Variants in KCNK13 observed in about 807,000 individuals in gnomAD.
The protein encoded by KCNK13 is potassium two pore domain channel subfamily K member 13.
In KCNK13, 12 loss-of-function variants were observed where a neutral mutation model predicts 23.4. The observed-to-expected ratio is 0.51, with a 90% CI of 0.33 to 0.83. The LOEUF is 0.83. Among genes scored for constraint, KCNK13 ranks in the 40% least tolerant of loss-of-function variants. The pLI is 0.02. For missense variants in KCNK13, 463 were observed against 556.3 expected, an observed-to-expected ratio of 0.83 and a Z score of 1.69; for synonymous variants, 231 against 229.5, an observed-to-expected ratio of 1.01 and a Z score of -0.06.
Position 90,184,510 on chromosome 14 carries a change from G to A in KCNK13, c.734G>A (p.Ser245Asn). The A allele has an allele frequency of 6.2e-7, 1 of 1,614,264 alleles. No individual in the cohort carries two copies. The highest frequency in any genetic ancestry group is 8.5e-7 in the Non-Finnish European group (1 of 1,180,050). The change falls in exon 2 of 2, where the codon AGC becomes AAC. Residue 245 changes from serine (S) to asparagine (N), a missense_variant. Transcript: ENST00000282146. This position sits in a 1 kb window ranked among gnomAD's most constrained non-coding sequence, Gnocchi z 5.6. Reference sequence around the variant, plus strand: ...ACCATTGGCTTTGGGGACCTGGTCAGCAGCCAGAACGCCCACTATGAGAGC... The same window carrying A: ...ACCATTGGCTTTGGGGACCTGGTCAACAGCCAGAACGCCCACTATGAGAGC... ...FSTIGFGDLV[S>N]SQNAHYESQG...
rs1351304123 is a variant in KCNK13 at position 90,062,926 on chromosome 14, T to C, written c.334+387T>C. ...TCATGGGGAAGAAGGCTTTTACAGA[T>C]AGGGACAGGAAACTAAACATTTACT... On this transcript the variant is annotated intron_variant, in intron 1 of 1. Coordinates refer to ENST00000282146, the MANE Select transcript of KCNK13 (RefSeq NM_022054.4). This position sits in a 1 kb window ranked among gnomAD's most constrained non-coding sequence, Gnocchi z 4.5. 4.0e-5 allele frequency among the ~76,000 whole-genome samples: 6 copies of C among 151,840 alleles called. No individual in the cohort carries two copies. Among genetic ancestry groups the C allele is most frequent in the African/African-American group, 1.5e-4 (6 of 41,314 alleles).
At chr14:90,136,883 G>A (rs986332844) in intron 1 of KCNK13, among the ~76,000 whole-genome samples, 10 of 152,282 alleles carry the variant, frequency 6.6e-5, no homozygotes, top group Middle Eastern at 3.4e-3. Flanking sequence ...CCCCACGAAG[G>A]TCTTTAAAGT....
chr14:90,182,701 G>T (rs1890501648), intron 1 of KCNK13, among the ~76,000 whole-genome samples: 1 of 152,016 alleles, frequency 6.6e-6, no homozygotes, highest in Admixed American at 6.6e-5. Context: ...CACAGCTGCA[G>T]TCCCAGCTAC....
rs1889780003 is a variant in KCNK13 at position 90,125,025 on chromosome 14, T to C, written c.335-59086T>C. Among the ~76,000 whole-genome samples the C allele has an allele frequency of 2.0e-5, 3 of 152,122 alleles. No homozygotes were observed. The South Asian group carries it at 6.2e-4, about 31-fold the overall frequency. ...GAGACCCAAGCTCCACGCTTTTTGA[T>C]GGAAGTTCCAGCTAAAAGGAGAATG... On this transcript the variant is annotated intron_variant, in intron 1 of 1. Transcript: ENST00000282146.
chr14:90,129,101 T>A (rs987653312), intron 1 of KCNK13, among the ~76,000 whole-genome samples: 5 of 152,216 alleles, frequency 3.3e-5, no homozygotes, highest in African/African-American at 1.2e-4. Flanking sequence ...AGAAGCAGCA[T>A]GCCACATGTG....
At chr14:90,114,131 T>C (rs1247955686) in intron 1 of KCNK13, among the ~76,000 whole-genome samples, 1 of 152,208 alleles carries the variant, frequency 6.6e-6, no homozygotes, top group Non-Finnish European at 1.5e-5. Flanking sequence ...CTTGGCTCAC[T>C]TCCCAGTGGA....
intron 1 of KCNK13, among the ~76,000 whole-genome samples, chr14:90,064,544 G>T (rs1371732506): frequency 6.6e-6 from 1 of 152,062 alleles, no homozygotes; most frequent in Non-Finnish European, 1.5e-5. Flanking sequence ...CTGTATCTTG[G>T]GCAAGCCTCT....
chr14:90,156,642 A>G (rs1480354904), intron 1 of KCNK13, among the ~76,000 whole-genome samples: 2 of 152,172 alleles, frequency 1.3e-5, no homozygotes, highest in Admixed American at 1.3e-4. Flanking sequence ...GAGGAGCAGC[A>G]GGCACATTAT....
rs879803762 is a variant in KCNK13 at position 90,062,784 on chromosome 14, C to T, written c.334+245C>T. ...ATGCAGTCTCAGTCCCCTCTGCAGA[C>T]CTGCCGAGTCAGAATCTGCATGTTA... On this transcript the variant is annotated intron_variant, in intron 1 of 1. Coordinates refer to ENST00000282146, the MANE Select transcript of KCNK13 (RefSeq NM_022054.4). This position sits in a 1 kb window ranked among gnomAD's most constrained non-coding sequence, Gnocchi z 4.5. 1.3e-5 allele frequency among the ~76,000 whole-genome samples: 2 copies of T among 152,184 alleles called. No individual in the cohort carries two copies. Among genetic ancestry groups the T allele is most frequent in the Admixed American group, 6.5e-5 (1 of 15,282 alleles).
chr14:90,086,406 A>G (rs1317988357), intron 1 of KCNK13, among the ~76,000 whole-genome samples: 1 of 152,188 alleles, frequency 6.6e-6, no homozygotes, highest in Admixed American at 6.5e-5. Flanking sequence ...AGTAGGTGGT[A>G]AAACTTTGTT....
chr14:90,112,163 C>T (rs546603883), intron 1 of KCNK13, among the ~76,000 whole-genome samples: 1 of 152,196 alleles, frequency 6.6e-6, no homozygotes, highest in Non-Finnish European at 1.5e-5. Flanking sequence ...ACCTTTTTCT[C>T]ACATTCCTGC....
intron 1 of KCNK13, among the ~76,000 whole-genome samples, chr14:90,095,659 A>G (rs1421232377): frequency 6.6e-6 from 1 of 152,010 alleles, no homozygotes; most frequent in Non-Finnish European, 1.5e-5. Flanking sequence ...AACAACGATC[A>G]ACACAGAAGG....
At chr14:90,181,523 T>A (rs1313457418) in intron 1 of KCNK13, among the ~76,000 whole-genome samples, 1 of 152,154 alleles carries the variant, frequency 6.6e-6, no homozygotes, top group East Asian at 1.9e-4. Flanking sequence ...CATCACTTTA[T>A]GGGTGATGGA....
At chr14:90,157,350 G>A (rs2140436658) in intron 1 of KCNK13, among the ~76,000 whole-genome samples, 1 of 152,240 alleles carries the variant, frequency 6.6e-6, no homozygotes, top group African/African-American at 2.4e-5. Context: ...TCCTGTCTTA[G>A]TAGTCAAGCA....
intron 1 of KCNK13, among the ~76,000 whole-genome samples, chr14:90,143,171 C>CTTTCTTTCTTTCTTTCTTTCTTTTCT (rs1555352138): frequency 1.5e-4 from 18 of 123,848 alleles, no homozygotes; most frequent in East Asian, 1.4e-3. Context: ...TTCTTTCTTT[C>CTTTCTTTCTTTCTTTCTTTCTTTTCT]TTTCTTTTCT....
intron 1 of KCNK13, among the ~76,000 whole-genome samples, chr14:90,129,247 T>G (rs1243499004): frequency 6.6e-6 from 1 of 152,232 alleles, no homozygotes; most frequent in Non-Finnish European, 1.5e-5. Flanking sequence ...TACTTATTCC[T>G]TCTCCTGGTT....
rs1888949916 is a variant in KCNK13, at chr14:90,062,188, GC to G, written c.-13del. On this transcript the variant is annotated 5_prime_UTR_variant, in exon 1 of 2. Transcript: ENST00000282146. The surrounding 1 kb of genome is among the most constrained non-coding windows in gnomAD (Gnocchi z 4.5). Reference sequence around the variant, plus strand: ...GCCCGGTGCCGTGGGCCTGGGGGCTGCCCCCGGGGGCCCGGCCATGGCTGGC... The same window carrying G: ...GCCCGGTGCCGTGGGCCTGGGGGCTGCCCCGGGGGCCCGGCCATGGCTGGC... 1 of 1,374,302 alleles carries G rather than the reference GC, an allele frequency of 7.3e-7. No individual in the cohort carries two copies. Among genetic ancestry groups the G allele is most frequent in the Admixed American group, 3.4e-5 (1 of 29,306 alleles). The allele number at this position is 1,374,302 out of a possible 1,614,324, so 85.1% of individuals were successfully genotyped here.
At chr14:90,137,747 G>A (rs1395480645) in intron 1 of KCNK13, among the ~76,000 whole-genome samples, 1 of 152,210 alleles carries the variant, frequency 6.6e-6, no homozygotes, top group Non-Finnish European at 1.5e-5. Flanking sequence ...ACTCCCAGCT[G>A]TGTGTTCATC....
intron 1 of KCNK13, among the ~76,000 whole-genome samples, chr14:90,169,084 C>T (rs571442967): frequency 6.6e-6 from 1 of 152,282 alleles, no homozygotes; most frequent in East Asian, 1.9e-4. Context: ...TGTTTATTAG[C>T]AGCGTGAGAA....
Sources: allele counts gnomAD v4.1 joint callset (sites outside exome capture counted in the v4.1 genomes callset), GRCh38; gene constraint gnomAD v4.1.1; non-coding constraint Gnocchi (gnomAD v3.1); transcripts MANE v1.5; gene names NCBI Gene and HGNC (gene_info 2026-07-23, HGNC 2026-07-21).